ZMYM1: variants seen among roughly 807,000 people sequenced by gnomAD.
ZMYM1 encodes the protein zinc finger MYM-type protein 1.
A neutral mutation model predicts 60.0 loss-of-function variants in ZMYM1; 39 were observed. The observed-to-expected ratio is 0.65, with a 90% CI of 0.50 to 0.85. The LOEUF (loss-of-function observed/expected upper bound fraction) is 0.85. Ranked by LOEUF, ZMYM1 falls within the 40% of genes least tolerant of loss-of-function variation. The pLI, the probability that ZMYM1 is intolerant of heterozygous loss-of-function variation, is 0.00. For synonymous variants in ZMYM1, 413 were observed against 454.0 expected, an observed-to-expected ratio of 0.91 and a Z score of 1.15; for missense variants, 1,171 against 1,309.5, an observed-to-expected ratio of 0.89 and a Z score of 1.63.
chr1:35,100,838 T>C (rs960911561), intron 4 of ZMYM1, among the ~76,000 whole-genome samples: 1 of 151,876 alleles, frequency 6.6e-6, no homozygotes, highest in Non-Finnish European at 1.5e-5. Flanking sequence ...GGTCCCTGTC[T>C]GTCACCCAGG....
At chr1:35,107,847 C>T (rs890575524) in intron 6 of ZMYM1, among the ~76,000 whole-genome samples, 8 of 152,142 alleles carry the variant, frequency 5.3e-5, no homozygotes, top group South Asian at 2.1e-4. Flanking sequence ...CGGTGGCTCA[C>T]GCCTGTAATC....
At chr1:35,106,221 AAG>A (rs749323186) in intron 6 of ZMYM1, among the ~76,000 whole-genome samples, 7 of 152,188 alleles carry the variant, frequency 4.6e-5, no homozygotes, top group Non-Finnish European at 8.8e-5. Context: ...AGAGCAGAGA[AAG>A]AGCAAATGAG....
chr1:35,084,037 C>T (rs1033194464), intron 1 of ZMYM1, among the ~76,000 whole-genome samples: 1 of 152,234 alleles, frequency 6.6e-6, no homozygotes, highest in African/African-American at 2.4e-5. Flanking sequence ...AGGAATCCCA[C>T]ATGGCACATT....
rs2148578299 is a variant in ZMYM1, at chr1:35,114,640, A to G, written c.2810A>G (p.Lys937Arg). ...GFKVEKPSLQ[K>R]RRKIQKSVDL... The stretch of plus-strand genomic sequence containing the variant: ...AAAGTTGAAAAACCTTCTCTTCAGA[A>G]AAGAAGAAAAATTCAGAAATCAGTA... The change falls in exon 10 of 10, where the codon AAA becomes AGA. Residue 937 changes from lysine (K) to arginine (R), a missense_variant. Coordinates refer to ENST00000359858, the MANE Select transcript of ZMYM1 (RefSeq NM_024772.5). The G allele has an allele frequency of 1.9e-6, 3 of 1,599,310 alleles. No individual in the cohort carries two copies. In the East Asian group the frequency reaches 6.7e-5, roughly 36 times the overall value.
In ZMYM1 at chr1:35,087,431, C is replaced by G. The variant is rs12568769; in HGVS notation, c.-74-6483C>G. Reference sequence around the variant, plus strand: ...AAATAACTCTTGAAACTTGCATTTTCTTTTTTTTTTTTGAGATGGAGTTTC... The same window carrying G: ...AAATAACTCTTGAAACTTGCATTTTGTTTTTTTTTTTTGAGATGGAGTTTC... On this transcript the variant is annotated intron_variant, in intron 1 of 9. Transcript: ENST00000359858. 2.5e-4 allele frequency among the ~76,000 whole-genome samples: 36 copies of G among 142,220 alleles called. No homozygotes were observed. The East Asian group carries it at 9.2e-3, about 36-fold the overall frequency. The allele number at this position is 142,220 out of a possible 152,430, so 93.3% of individuals were successfully genotyped here.
At chr1:35,064,959 GC>G (rs1314517917) in intron 1 of ZMYM1, among the ~76,000 whole-genome samples, 3 of 152,124 alleles carry the variant, frequency 2.0e-5, no homozygotes, top group Non-Finnish European at 4.4e-5. Flanking sequence ...ACAAGCGTGA[GC>G]CACTGCGCCC....
intron 4 of ZMYM1, among the ~76,000 whole-genome samples, chr1:35,103,315 T>C (rs1643752649): frequency 6.6e-6 from 1 of 152,206 alleles, no homozygotes; most frequent in Non-Finnish European, 1.5e-5. Context: ...CTATAGATTT[T>C]ATCTATCCTG....
In ZMYM1 at chr1:35,093,890, CTCTT is replaced by C. The variant is rs1430622892; in HGVS notation, c.-74-22_-74-19del. 7.2e-6 allele frequency: 6 copies of C among 834,054 alleles called. No homozygotes were observed. The highest frequency in any genetic ancestry group is 1.1e-5 in the Non-Finnish European group (6 of 553,556). The allele number at this position is 834,054 out of a possible 1,614,324, so 51.7% of individuals were successfully genotyped here. On this transcript the variant is annotated intron_variant, in intron 1 of 9. Coordinates refer to ENST00000359858, the MANE Select transcript of ZMYM1 (RefSeq NM_024772.5). ...TAAAAGGACTAATTTTAAAATCAAA[CTCTT>C]TATCAATATTTTATTTTAGGAATCT... is the stretch of plus-strand genomic sequence containing the variant.
chr1:35,077,341 C>G (rs142338769), upstream of ZMYM1, among the ~76,000 whole-genome samples: 65 of 152,262 alleles, frequency 4.3e-4, no homozygotes, highest in East Asian at 2.3e-3. Context: ...CTTGTTCCTT[C>G]CTGGGCATAG....
At chr1:35,077,895 T>C (rs1642196049), upstream of ZMYM1, among the ~76,000 whole-genome samples, 1 of 152,208 alleles carries the variant, frequency 6.6e-6, no homozygotes, top group South Asian at 2.1e-4. Flanking sequence ...AAATGGACTG[T>C]GTTTAGGTAG....
chr1:35,090,063 G>A (rs1458348263), intron 1 of ZMYM1, among the ~76,000 whole-genome samples: 2 of 151,992 alleles, frequency 1.3e-5, no homozygotes, highest in Non-Finnish European at 1.5e-5. Flanking sequence ...CTGCCACCAC[G>A]CCCGGCTAAT....
At position 35,104,638 on chromosome 1, in the gene ZMYM1, A is replaced by T. The variant is rs1643822562; in HGVS notation, c.676A>T (p.Asn226Tyr). The change falls in exon 6 of 10, where the codon AAC (asparagine) becomes TAC (tyrosine). Residue 226 changes from asparagine (N) to tyrosine (Y), a missense_variant. Physicochemically the swap from Asn to Tyr is moderately radical, Grantham distance 143 (BLOSUM62 -2). Coordinates refer to ENST00000359858, the MANE Select transcript of ZMYM1 (RefSeq NM_024772.5). Reference sequence around the variant, plus strand: ...CCTTTCAAAGTTTCACTCTGCTAACAACTTCATCATGAACTGCTGTGAGAA... The same window carrying T: ...CCTTTCAAAGTTTCACTCTGCTAACTACTTCATCATGAACTGCTGTGAGAA... ...ACLSKFHSAN[N>Y]FIMNCCENCG... 1 of 1,614,092 alleles carries T rather than the reference A, an allele frequency of 6.2e-7. No individual in the cohort carries two copies. Among genetic ancestry groups the T allele is most frequent in the Non-Finnish European group, 8.5e-7 (1 of 1,180,044 alleles).
rs1557716611 is a variant in ZMYM1 at position 35,113,206 on chromosome 1, C to G, written c.1376C>G (p.Ser459Cys). The stretch of plus-strand genomic sequence containing the variant: ...GGTAAATCACGAAGTATTAAAAAAT[C>G]TTGTTGTGCAGATTTTGAGTGTTTG... ...VKGKSRSIKKSCCADFECLEN... is the reference protein window; with the variant it reads ...VKGKSRSIKKCCCADFECLEN... Residue 459 changes from serine (S) to cysteine (C), a missense_variant, in exon 10 of 10, where the codon TCT becomes TGT. Coordinates refer to ENST00000359858, the MANE Select transcript of ZMYM1 (RefSeq NM_024772.5). The G allele has an allele frequency of 1.9e-6, 3 of 1,613,210 alleles. No individual in the cohort carries two copies. The highest frequency in any genetic ancestry group is 2.5e-6 in the Non-Finnish European group (3 of 1,179,408).
intron 4 of ZMYM1, among the ~76,000 whole-genome samples, chr1:35,097,970 G>A (rs539092184): frequency 3.3e-5 from 5 of 152,188 alleles, no homozygotes; most frequent in East Asian, 1.9e-4. Flanking sequence ...TTTTGAAGAC[G>A]TGTCGTCTTG....
upstream of ZMYM1, among the ~76,000 whole-genome samples, chr1:35,078,575 GTC>G (rs1459034209): frequency 1.0e-5 from 1 of 95,382 alleles, no homozygotes; most frequent in Admixed American, 1.5e-4. Context: ...TTGAGACGCA[GTC>G]TCTCTCTGTC....
In ZMYM1 at chr1:35,064,051, C is replaced by T. The variant is rs535763139; in HGVS notation, c.-301+4126C>T. On this transcript the variant is annotated intron_variant, in intron 1 of 10. Transcript: ENST00000417119. The stretch of plus-strand genomic sequence containing the variant: ...TTAAAAAAAGAAAGTTTCAGCCGGG[C>T]ACAGTGGCTCACGCCTGTAATCCCA... Among the ~76,000 whole-genome samples, 31 of 152,218 alleles carry T rather than the reference C, an allele frequency of 2.0e-4. No individual in the cohort carries two copies. The South Asian group carries it at 3.9e-3, about 19-fold the overall frequency.
intron 3 of ZMYM1, among the ~76,000 whole-genome samples, chr1:35,096,981 A>G (rs909886108): frequency 7.2e-5 from 11 of 152,048 alleles, no homozygotes; most frequent in African/African-American, 2.7e-4. Context: ...GTTAGCCACC[A>G]CACCTGGCTA....
At chr1:35,076,229 A>G (rs890655971), upstream of ZMYM1, among the ~76,000 whole-genome samples, 10 of 152,178 alleles carry the variant, frequency 6.6e-5, no homozygotes, top group Admixed American at 3.3e-4. Flanking sequence ...ACCCCACTGC[A>G]ACACTAGACC....
intron 1 of ZMYM1, among the ~76,000 whole-genome samples, chr1:35,064,222 G>A (rs189042399): frequency 8.7e-5 from 13 of 150,126 alleles, no homozygotes; most frequent in African/African-American, 3.2e-4. Flanking sequence ...TACTCAGGAG[G>A]CTGAGGCGGG....
Sources: gnomAD v4.1 joint callset for allele counts (sites outside exome capture counted in the v4.1 genomes callset) on GRCh38, gnomAD v4.1.1 for gene constraint, MANE v1.5 for transcripts, NCBI Gene and HGNC (gene_info 2026-07-23, HGNC 2026-07-21) for gene names.